The following PINX1 variants were observed in gnomAD, a reference collection of about 807,000 sequenced individuals.
PINX1 encodes the protein PIN2 (TERF1) interacting telomerase inhibitor 1.
In PINX1, 34 loss-of-function variants were observed where a neutral mutation model predicts 25.4. The ratio of observed to expected loss-of-function variants is 1.34; its 90% CI spans 1.02 to 1.78. The LOEUF (loss-of-function observed/expected upper bound fraction) is 1.78. Ranked by LOEUF, PINX1 falls within the 40% of genes most tolerant of loss-of-function variation. PINX1 has a pLI of 0.00. For missense variants in PINX1, 592 were observed against 404.9 expected, an observed-to-expected ratio of 1.46 and a Z score of -3.97; for synonymous variants, 197 against 147.7, an observed-to-expected ratio of 1.33 and a Z score of -2.42.
intron 6 of PINX1, among the ~76,000 whole-genome samples, chr8:10,811,028 T>G (rs1797504310): frequency 2.0e-5 from 3 of 152,370 alleles, no homozygotes; most frequent in African/African-American, 7.2e-5. Context: ...TGTGAGAGTG[T>G]TGGTGCTGAC....
chr8:10,774,593 T>C (rs932715809), intron 6 of PINX1, among the ~76,000 whole-genome samples: 1 of 152,216 alleles, frequency 6.6e-6, no homozygotes, highest in African/African-American at 2.4e-5. Context: ...ATAAGGTCTT[T>C]TTAGAGAATA....
At chr8:10,781,516 C>G (rs532765237) in intron 6 of PINX1, among the ~76,000 whole-genome samples, 2 of 152,222 alleles carry the variant, frequency 1.3e-5, no homozygotes, top group South Asian at 4.1e-4. Flanking sequence ...AAATACATAA[C>G]CTGATTAAAA....
chr8:10,800,848 C>A (rs1802243742), intron 6 of PINX1, among the ~76,000 whole-genome samples: 1 of 152,200 alleles, frequency 6.6e-6, no homozygotes, highest in Admixed American at 6.5e-5. Flanking sequence ...TGCTTTCCCA[C>A]CTCAGACCAT....
chr8:10,811,393 G>T (rs987810363), intron 6 of PINX1, among the ~76,000 whole-genome samples: 2 of 152,128 alleles, frequency 1.3e-5, no homozygotes, highest in Admixed American at 1.3e-4. Context: ...GGTTCTACCA[G>T]GTATATATAT....
chr8:10,795,280 G>C (rs1031725057), intron 6 of PINX1, among the ~76,000 whole-genome samples: 1 of 152,162 alleles, frequency 6.6e-6, no homozygotes, highest in East Asian at 1.9e-4. Flanking sequence ...ACAAACAGAG[G>C]GCTTGGCTTG....
In PINX1 at chr8:10,822,895, T is replaced by G. The variant is rs897555417; in HGVS notation, c.395-2626A>C. Among the ~76,000 whole-genome samples, 198 of 152,294 alleles carry G rather than the reference T, an allele frequency of 1.3e-3. 1 individual carries two copies. The highest frequency in any genetic ancestry group is 4.6e-3 in the African/African-American group (191 of 41,560). On this transcript the variant is annotated intron_variant, in intron 5 of 6. Transcript: ENST00000314787. ...AGGTTTATGTAGGTAGCTTCAATAG[T>G]TTAGAAAATTCATTTGCATTATTCA...
chr8:10,774,705 T>C (rs993209959), intron 6 of PINX1, among the ~76,000 whole-genome samples: 3 of 152,234 alleles, frequency 2.0e-5, no homozygotes, highest in Non-Finnish European at 2.9e-5. Context: ...GTGAATATAG[T>C]TGACTAACAA....
intron 6 of PINX1, among the ~76,000 whole-genome samples, chr8:10,775,931 G>A (rs569010119): frequency 5.3e-5 from 8 of 152,274 alleles, no homozygotes; most frequent in Admixed American, 5.2e-4. Flanking sequence ...CTGCAGCGGG[G>A]TGGGGGCAAC....
intron 5 of PINX1, among the ~76,000 whole-genome samples, chr8:10,820,956 A>C (rs1203828237): frequency 1.3e-5 from 2 of 152,136 alleles, no homozygotes; most frequent in Non-Finnish European, 2.9e-5. Flanking sequence ...AAAACACTAA[A>C]CTCTTTAATT....
At chr8:10,795,620 C>T (rs528184920) in intron 6 of PINX1, among the ~76,000 whole-genome samples, 118 of 152,252 alleles carry the variant, frequency 7.8e-4, no homozygotes, top group African/African-American at 2.6e-3. Flanking sequence ...AGGCTGGTCT[C>T]GAACTCTTGA....
intron 2 of PINX1, 68 bp from the exon 3 acceptor site, chr8:10,833,052 C>T (rs1364579216): frequency 9.5e-6 from 9 of 950,824 alleles, no homozygotes; most frequent in Non-Finnish European, 1.3e-5. Context: ...AGCACTGCTA[C>T]AAAACTCACA....
At chr8:10,769,678 A>C (rs1801165282) in intron 6 of PINX1, among the ~76,000 whole-genome samples, 1 of 152,188 alleles carries the variant, frequency 6.6e-6, no homozygotes, top group South Asian at 2.1e-4. Flanking sequence ...CGTCCTCTCC[A>C]CATCACACAG....
chr8:10,805,170 G>C (rs1230713108), intron 6 of PINX1, among the ~76,000 whole-genome samples: 1 of 152,212 alleles, frequency 6.6e-6, no homozygotes, highest in African/African-American at 2.4e-5. Context: ...GGAAAATGGA[G>C]CCAGGGGCAA....
At chr8:10,767,278 A>T (rs1220370678) in intron 6 of PINX1, among the ~76,000 whole-genome samples, 1 of 152,196 alleles carries the variant, frequency 6.6e-6, no homozygotes, top group African/African-American at 2.4e-5. Flanking sequence ...GTGGTCCTCA[A>T]AAGCCACCTC....
chr8:10,824,895 C>G (rs1347165555), intron 5 of PINX1, among the ~76,000 whole-genome samples: 1 of 152,118 alleles, frequency 6.6e-6, no homozygotes, highest in African/African-American at 2.4e-5. Flanking sequence ...GAGCATGTAC[C>G]CTCTCTTCAA....
chr8:10,769,453 T>C (rs1314118711), intron 6 of PINX1, among the ~76,000 whole-genome samples: 1 of 152,188 alleles, frequency 6.6e-6, no homozygotes, highest in Non-Finnish European at 1.5e-5. Context: ...CTTGTGGCTT[T>C]GAACTGAGAT....
chr8:10,788,062 T>C (rs1384274293), intron 6 of PINX1, among the ~76,000 whole-genome samples: 1 of 152,174 alleles, frequency 6.6e-6, no homozygotes, highest in Non-Finnish European at 1.5e-5. Flanking sequence ...GGAGTCCTTA[T>C]CTTTTAGATA....
intron 6 of PINX1, among the ~76,000 whole-genome samples, chr8:10,783,497 G>A (rs945105447): frequency 1.3e-5 from 2 of 152,174 alleles, no homozygotes; most frequent in African/African-American, 4.8e-5. Context: ...GCCAGTTGCT[G>A]CTCCTTCAAG....
At chr8:10,818,016 C>T (rs987390585) in intron 6 of PINX1, among the ~76,000 whole-genome samples, 1 of 152,144 alleles carries the variant, frequency 6.6e-6, no homozygotes, top group African/African-American at 2.4e-5. Context: ...CGGTCTTGGG[C>T]AGAACCCTGG....
Sources: gnomAD v4.1 joint callset for allele counts (sites outside exome capture counted in the v4.1 genomes callset) on GRCh38, gnomAD v4.1.1 for gene constraint, MANE v1.5 for transcripts, NCBI Gene and HGNC (gene_info 2026-07-23, HGNC 2026-07-21) for gene names.